Variants in CPVL observed in about 807,000 individuals in gnomAD.
CPVL encodes the protein probable serine carboxypeptidase CPVL.
A neutral mutation model predicts 63.7 loss-of-function variants in CPVL; 51 were observed. That is an observed-to-expected ratio of 0.80 (90% CI 0.64 to 1.01). The LOEUF (loss-of-function observed/expected upper bound fraction) is 1.01. Among genes scored for constraint, CPVL ranks in the 50% least tolerant of loss-of-function variants. The pLI is 0.00. For synonymous variants in CPVL, 195 were observed against 206.0 expected (o/e 0.95, Z 0.46); for missense variants, 530 against 573.1 (o/e 0.92, Z 0.77).
At position 29,095,045 on chromosome 7, in the gene CPVL, C is replaced by T. The variant is rs145976192; in HGVS notation, c.462+39G>A. ...AAAGGAAAAAATAAAAGACAGGAGACGCCAGCACTGACAGCTCACAGGGTC... is the reference window on the plus strand; with the variant it reads ...AAAGGAAAAAATAAAAGACAGGAGATGCCAGCACTGACAGCTCACAGGGTC... On this transcript the variant is annotated intron_variant, in intron 5 of 12. Coordinates refer to ENST00000265394, the MANE Select transcript of CPVL (RefSeq NM_031311.5). 7.6e-4 allele frequency: 1,140 copies of T among 1,493,848 alleles called. 13 individuals are homozygous for T. The East Asian group carries it at 0.022, about 29-fold the overall frequency. The allele number at this position is 1,493,848 out of a possible 1,614,324, so 92.5% of individuals were successfully genotyped here.
chr7:29,012,812 T>G (rs1785987107), intron 12 of CPVL: 1 of 152,204 alleles, frequency 6.6e-6, no homozygotes, highest in Non-Finnish European at 1.5e-5. Flanking sequence ...CATCATAGTT[T>G]AGGGTTCCCA....
chr7:29,091,334 A>T (rs578082671), intron 6 of CPVL, among the ~76,000 whole-genome samples: 8 of 151,850 alleles, frequency 5.3e-5, no homozygotes. Flanking sequence ...TCTTCAATAC[A>T]GAACCTCTGC....
intron 5 of CPVL, among the ~76,000 whole-genome samples, chr7:29,179,982 C>T (rs1316941187): frequency 6.6e-6 from 1 of 152,134 alleles, no homozygotes; most frequent in African/African-American, 2.4e-5. Context: ...CTTGTATTTT[C>T]AAATGATTAT....
intron 1 of CPVL, among the ~76,000 whole-genome samples, chr7:29,141,453 G>A (rs1791870782): frequency 6.6e-6 from 1 of 152,086 alleles, no homozygotes; most frequent in African/African-American, 2.4e-5. Context: ...GGGAAGGTGA[G>A]GCAAGAGAAT....
At position 29,112,705 on chromosome 7, in the gene CPVL, T is replaced by C. The variant is rs1382660844; in HGVS notation, c.287A>G (p.Gln96Arg). 1 of 1,607,814 alleles carries C rather than the reference T, an allele frequency of 6.2e-7. No individual in the cohort carries two copies. The highest frequency in any genetic ancestry group is 8.5e-7 in the Non-Finnish European group (1 of 1,174,736). Residue 96 changes from glutamine to arginine, a missense_variant and splice_region_variant, in exon 3 of 13, where the codon CAG becomes CGG. Coordinates refer to ENST00000265394, the MANE Select transcript of CPVL (RefSeq NM_031311.5). ...GTGTTCTTTCTGTTGGGCACCTACCTGAGCTGGGAAGAACCAGAAGAAGAG... is the reference window on the plus strand; with the variant it reads ...GTGTTCTTTCTGTTGGGCACCTACCCGAGCTGGGAAGAACCAGAAGAAGAG... Reference protein sequence around the residue: ...SNLFFWFFPAQIQPEDAPVVL... With the variant: ...SNLFFWFFPARIQPEDAPVVL...
chr7:29,180,430 G>A (rs1324283484), intron 5 of CPVL, among the ~76,000 whole-genome samples: 1 of 152,120 alleles, frequency 6.6e-6, no homozygotes, highest in Non-Finnish European at 1.5e-5. Context: ...AGGAGGCTGA[G>A]GCAGGAGAAT....
rs150860822 is a variant in CPVL at position 29,144,380 on chromosome 7, G to A, written c.-11+2049C>T. 5.6e-3 allele frequency among the ~76,000 whole-genome samples: 849 copies of A among 152,180 alleles called. 9 individuals carry two copies. Among genetic ancestry groups the A allele is most frequent in the African/African-American group, 0.02 (815 of 41,530 alleles). ...GTTCGAGACCAGCCTGGGCAACATGGCAAAACCCCATCTCTACCAAAGATA... is the reference window on the plus strand; with the variant it reads ...GTTCGAGACCAGCCTGGGCAACATGACAAAACCCCATCTCTACCAAAGATA... On this transcript the variant is annotated intron_variant, in intron 1 of 12. Transcript: ENST00000265394.
At chr7:29,105,249 C>A (rs150489164) in intron 3 of CPVL, among the ~76,000 whole-genome samples, 1 of 152,324 alleles carries the variant, frequency 6.6e-6, no homozygotes, top group Non-Finnish European at 1.5e-5. Flanking sequence ...TAATACCCAG[C>A]ACCTTCAGTC....
chr7:29,050,438 C>A (rs1436891984), intron 11 of CPVL, among the ~76,000 whole-genome samples: 1 of 151,884 alleles, frequency 6.6e-6, no homozygotes, highest in Middle Eastern at 3.2e-3. Flanking sequence ...TAGGAATACA[C>A]CTAACCAAGG....
intron 12 of CPVL, among the ~76,000 whole-genome samples, chr7:29,000,694 A>G (rs1057002857): frequency 1.9e-4 from 29 of 152,208 alleles, no homozygotes; most frequent in Non-Finnish European, 2.9e-4. Flanking sequence ...TTTAAAAGCA[A>G]CTGTGGTAAA....
At chr7:29,096,564 C>T (rs1786421437) in intron 3 of CPVL, 1 of 295,380 alleles carries the variant, frequency 3.4e-6, no homozygotes, top group African/African-American at 2.1e-5. Flanking sequence ...GCTGTTTAAA[C>T]TAAAATTTGG....
intron 5 of CPVL, among the ~76,000 whole-genome samples, chr7:29,177,548 C>T (rs926230855): frequency 5.3e-5 from 8 of 150,462 alleles, no homozygotes; most frequent in African/African-American, 2.0e-4. Flanking sequence ...CCCACCGTGC[C>T]TGGCCCCCTC....
chr7:29,168,765 A>G lies in CPVL; in HGVS notation c.-11+12525T>C, dbSNP rs191297383. 1.8e-4 allele frequency among the ~76,000 whole-genome samples: 27 copies of G among 152,354 alleles called. 1 individual carries two copies. In the East Asian group the frequency reaches 5.2e-3, roughly 29 times the overall value. ...AACTATTTTTCCATTATATTATGCT[A>G]AAAGCACTAGAAGTAATTTAGTTTA... is the stretch of plus-strand genomic sequence containing the variant. On this transcript the variant is annotated intron_variant, in intron 5 of 16. Coordinates refer to the CPVL transcript ENST00000409850.
intron 11 of CPVL, among the ~76,000 whole-genome samples, chr7:29,048,497 C>T (rs1789837124): frequency 1.3e-5 from 2 of 151,712 alleles, no homozygotes; most frequent in African/African-American, 2.4e-5. Context: ...GGCCTAAACA[C>T]ATATGCACCT....
intron 1 of CPVL, chr7:29,126,939 G>C (rs1790088645): frequency 6.6e-6 from 1 of 152,182 alleles, no homozygotes; most frequent in African/African-American, 2.4e-5. Flanking sequence ...TGGCATGCAA[G>C]GTAAAGGGCA....
chr7:29,173,018 C>A (rs1418302659), intron 5 of CPVL, among the ~76,000 whole-genome samples: 8 of 151,778 alleles, frequency 5.3e-5, no homozygotes, highest in Admixed American at 5.3e-4. Flanking sequence ...GTAATCCCAG[C>A]CACTCAGGAG....
In CPVL at chr7:29,170,994, C is replaced by T. The variant is rs550980528; in HGVS notation, c.-11+10296G>A. Among the ~76,000 whole-genome samples the T allele has an allele frequency of 2.6e-5, 4 of 152,236 alleles. No homozygotes were observed. The South Asian group carries it at 6.2e-4, about 24-fold the overall frequency. On this transcript the variant is annotated intron_variant, in intron 5 of 16. Coordinates refer to the CPVL transcript ENST00000409850. ...CCACGGGGTCCCTCCCACAACATGT[C>T]GGAATTCAAGATGAGATTAGTGTGG...
chr7:28,996,330 C>G (rs1784062072), intron 12 of CPVL: 1 of 154,242 alleles, frequency 6.5e-6, no homozygotes. Context: ...TTGTCCCTCA[C>G]ACTGAGCCAT....
intron 12 of CPVL, among the ~76,000 whole-genome samples, chr7:29,020,483 GTAA>G (rs1038109747): frequency 1.1e-4 from 17 of 151,968 alleles, no homozygotes; most frequent in African/African-American, 3.9e-4. Context: ...GCAATCCAGG[GTAA>G]TAATAATAAA....
Sources: gnomAD v4.1 joint callset for allele counts (sites outside exome capture counted in the v4.1 genomes callset) on GRCh38, gnomAD v4.1.1 for gene constraint, MANE v1.5 for transcripts, NCBI Gene and HGNC (gene_info 2026-07-23, HGNC 2026-07-21) for gene names.